Variants in KIAA2012 observed in about 807,000 individuals in gnomAD.
KIAA2012 encodes the protein KIAA2012.
In KIAA2012, 125 loss-of-function variants were observed where a neutral mutation model predicts 150.6. The observed-to-expected ratio is 0.83, with a 90% confidence interval of 0.72 to 0.96. KIAA2012 has a LOEUF of 0.96. Among genes scored for constraint, KIAA2012 ranks in the 40% least tolerant of loss-of-function variants. The pLI, the probability that KIAA2012 is intolerant of heterozygous loss-of-function variation, is 0.00. For missense variants in KIAA2012, 1,219 were observed against 1,354.9 expected, an observed-to-expected ratio of 0.90 and a Z score of 1.57; for synonymous variants, 462 against 504.7, an observed-to-expected ratio of 0.92 and a Z score of 1.13.
At chr2:202,100,501 G>T in intron 7 of KIAA2012, 52 bp downstream of exon 7, 2 of 1,483,446 alleles carry the variant, frequency 1.3e-6, no homozygotes. Context: ...GAGGAGGGAA[G>T]AGAGAAAGTT....
intron 13 of KIAA2012, among the ~76,000 whole-genome samples, chr2:202,139,929 T>G (rs1691164027): frequency 6.6e-6 from 1 of 152,152 alleles, no homozygotes; most frequent in Admixed American, 6.5e-5. Flanking sequence ...TACTATCACC[T>G]GCAATGAAAG....
In KIAA2012 at chr2:202,193,417, G is replaced by A; in HGVS notation, c.2928G>A (p.Arg976=). ...EKKRREQEEQ[R]QLQQEQLERA... ...AGAGAAGGGAGCAGGAAGAGCAAAG[G>A]CAGCTCCAGCAGGAGCAGCTGGAGA... is the stretch of plus-strand genomic sequence containing the variant. Residue 976 remains arginine, a synonymous_variant, in exon 20 of 24, where the codon AGG becomes AGA. Transcript: ENST00000498697. 6.4e-7 allele frequency: 1 copy of A among 1,550,398 alleles called. No individual in the cohort carries two copies. Among genetic ancestry groups the A allele is most frequent in the South Asian group, 1.2e-5 (1 of 84,050 alleles).
chr2:202,141,508 C>T (rs972986871), intron 13 of KIAA2012, among the ~76,000 whole-genome samples: 5 of 152,152 alleles, frequency 3.3e-5, no homozygotes, highest in Non-Finnish European at 7.3e-5. Flanking sequence ...AAATGAACTG[C>T]TTCCCCACTG....
At chr2:202,156,686 C>T (rs1490422577) in intron 14 of KIAA2012, among the ~76,000 whole-genome samples, 1 of 152,178 alleles carries the variant, frequency 6.6e-6, no homozygotes. Flanking sequence ...GAGATCGAGA[C>T]CAGCCTGGCT....
At chr2:202,117,629 G>C (rs994054717) in intron 11 of KIAA2012, among the ~76,000 whole-genome samples, 4 of 152,198 alleles carry the variant, frequency 2.6e-5, no homozygotes, top group Non-Finnish European at 5.9e-5. Context: ...TTGGACCTCA[G>C]CTTCCTCATA....
At chr2:202,128,143 TG>T (rs1690841216) in intron 12 of KIAA2012, among the ~76,000 whole-genome samples, 1 of 152,142 alleles carries the variant, frequency 6.6e-6, no homozygotes, top group African/African-American at 2.4e-5. Context: ...TCCCTGCCGA[TG>T]GGGTGACACT....
At chr2:202,194,102 C>T in intron 20 of KIAA2012, 88 bp from the exon 21 acceptor site, 1 of 1,414,352 alleles carries the variant, frequency 7.1e-7, no homozygotes, top group Non-Finnish European at 9.6e-7. Context: ...GCTGCAGAGC[C>T]TCCCCCATGG....
At chr2:202,111,161 G>A (rs1473215224) in intron 10 of KIAA2012, among the ~76,000 whole-genome samples, 2 of 151,978 alleles carry the variant, frequency 1.3e-5, no homozygotes, top group East Asian at 1.9e-4. Flanking sequence ...GGATACTCAG[G>A]CCTACTTTAG....
At chr2:202,123,908 G>T (rs1253517713) in intron 11 of KIAA2012, among the ~76,000 whole-genome samples, 2 of 151,828 alleles carry the variant, frequency 1.3e-5, no homozygotes, top group African/African-American at 4.8e-5. Flanking sequence ...CTTTCTTCCT[G>T]CTGGGCATGG....
chr2:202,141,564 G>A (rs986793446), intron 13 of KIAA2012, among the ~76,000 whole-genome samples: 11 of 152,282 alleles, frequency 7.2e-5, no homozygotes, highest in Middle Eastern at 3.4e-3. Context: ...CATATTAATA[G>A]CTGCATATGG....
intron 14 of KIAA2012, among the ~76,000 whole-genome samples, chr2:202,163,281 T>A (rs1241424154): frequency 6.6e-6 from 1 of 151,946 alleles, no homozygotes; most frequent in Non-Finnish European, 1.5e-5. Flanking sequence ...TTTTTGTATT[T>A]TTAGTAGATA....
intron 15 of KIAA2012, among the ~76,000 whole-genome samples, chr2:202,169,515 G>T (rs139221868): frequency 1.2e-3 from 180 of 152,312 alleles, no homozygotes; most frequent in Admixed American, 2.5e-3. Context: ...CACTGGCTCT[G>T]TCAGCTTCTC....
At chr2:202,092,673 G>T (rs1482003366) in intron 3 of KIAA2012, among the ~76,000 whole-genome samples, 1 of 152,072 alleles carries the variant, frequency 6.6e-6, no homozygotes, top group Admixed American at 6.5e-5. Context: ...TGATCATGGG[G>T]CCTACAGAAG....
chr2:202,121,081 C>A (rs1690643001), intron 11 of KIAA2012, among the ~76,000 whole-genome samples: 1 of 152,142 alleles, frequency 6.6e-6, no homozygotes, highest in Admixed American at 6.5e-5. Context: ...AAACTGTTTG[C>A]CCTTCCCCTC....
At chr2:202,167,740 A>G (rs150981371) in intron 15 of KIAA2012, among the ~76,000 whole-genome samples, 1 of 152,104 alleles carries the variant, frequency 6.6e-6, no homozygotes, top group Non-Finnish European at 1.5e-5. Context: ...GCTACTCAGG[A>G]GGCTGAGGCA....
chr2:202,108,049 T>C (rs879493920), intron 9 of KIAA2012, among the ~76,000 whole-genome samples: 5 of 152,058 alleles, frequency 3.3e-5, no homozygotes, highest in Non-Finnish European at 7.4e-5. Flanking sequence ...GAGGCAGTTT[T>C]TCATGGCAGT....
chr2:202,121,158 G>T (rs1385245013), intron 11 of KIAA2012, among the ~76,000 whole-genome samples: 1 of 152,184 alleles, frequency 6.6e-6, no homozygotes, highest in African/African-American at 2.4e-5. Flanking sequence ...TTCCATATGG[G>T]ATGATGGAGT....
In KIAA2012 at chr2:202,130,801, C is replaced by T. The variant is rs558133799; in HGVS notation, c.1831+5519C>T. 4.3e-4 allele frequency among the ~76,000 whole-genome samples: 65 copies of T among 152,236 alleles called. 1 individual carries two copies. In the South Asian group the frequency reaches 0.013, roughly 31 times the overall value. On this transcript the variant is annotated intron_variant, in intron 12 of 23. Coordinates refer to ENST00000498697, the MANE Select transcript of KIAA2012 (RefSeq NM_001277372.4). ...GCACAGTGGCAGGCACCTGTAGTCC[C>T]AGCTACTCTGGGGGCTCAGGCAGGA...
chr2:202,155,585 C>G (rs192725118), intron 14 of KIAA2012, among the ~76,000 whole-genome samples: 216 of 152,260 alleles, frequency 1.4e-3, no homozygotes, highest in Non-Finnish European at 2.4e-3. Context: ...GATCTCAGAT[C>G]CTTCATAGTA....
Sources: allele counts gnomAD v4.1 joint callset (sites outside exome capture counted in the v4.1 genomes callset), GRCh38; gene constraint gnomAD v4.1.1; transcripts MANE v1.5; gene names NCBI Gene and HGNC (gene_info 2026-07-23, HGNC 2026-07-21).